Variants in CDH6 observed in about 807,000 individuals in gnomAD.
CDH6 encodes cadherin-6.
A neutral mutation model predicts 78.0 loss-of-function variants in CDH6; 31 were observed. The ratio of observed to expected loss-of-function variants is 0.40; its 90% CI spans 0.30 to 0.54. The LOEUF (loss-of-function observed/expected upper bound fraction) is 0.54, where lower values mean the gene tolerates loss of function less well. Ranked by LOEUF, CDH6 falls within the 20% of genes least tolerant of loss-of-function variation. The probability of loss-of-function intolerance (pLI) is 0.56; values close to 1 mark genes in which losing one functional copy is unlikely to be tolerated. For synonymous variants in CDH6, 376 were observed against 368.8 expected, an observed-to-expected ratio of 1.02 and a Z score of -0.23; for missense variants, 724 against 975.9, an observed-to-expected ratio of 0.74 and a Z score of 3.44.
In CDH6 at chr5:31,299,596, C is replaced by G; in HGVS notation, c.776C>G (p.Thr259Ser). The change falls in exon 5 of 12, where the codon ACT becomes AGT. Residue 259 changes from threonine (T) to serine (S), a missense_variant. Transcript: ENST00000265071. ...ACCACCACCGTGAACATCACACTGA[C>G]TGATGTCAACGACAACCCTCCCCGA... ...SGTTTVNITLTDVNDNPPRFP... is the reference protein window; with the variant it reads ...SGTTTVNITLSDVNDNPPRFP... 6.2e-7 allele frequency: 1 copy of G among 1,613,736 alleles called. No homozygotes were observed. Among genetic ancestry groups the G allele is most frequent in the Non-Finnish European group, 8.5e-7 (1 of 1,179,696 alleles).
intron 7 of CDH6, among the ~76,000 whole-genome samples, chr5:31,312,267 A>AGG (rs1240738411): frequency 1.8e-4 from 28 of 152,318 alleles, no homozygotes; most frequent in South Asian, 1.7e-3. Flanking sequence ...CATAGCAAAA[A>AGG]TGGAACTTAC....
At position 31,216,021 on chromosome 5, in the gene CDH6, A is replaced by G. The variant is rs79316447; in HGVS notation, c.-129+22135A>G. Among the ~76,000 whole-genome samples, 649 of 152,314 alleles carry G rather than the reference A, an allele frequency of 4.3e-3. 5 individuals are homozygous for G. The highest frequency in any genetic ancestry group is 0.015 in the African/African-American group (623 of 41,566). On this transcript the variant is annotated intron_variant, in intron 1 of 11. Transcript: ENST00000265071. ...TCAAAATCTATGCCCTCCTACAGCA[A>G]AAGTATAAAGGGGTCTTAAGGTGTT...
chr5:31,293,935 T>C (rs763607201), intron 2 of CDH6, 27 bp from the exon 3 acceptor site: 80 of 1,488,910 alleles, frequency 5.4e-5, no homozygotes, highest in Non-Finnish European at 7.0e-5. Flanking sequence ...GACTTTTACT[T>C]TCTTTAATTT....
At chr5:31,210,561 A>G (rs1740674493) in intron 1 of CDH6, among the ~76,000 whole-genome samples, 1 of 152,184 alleles carries the variant, frequency 6.6e-6, no homozygotes, top group Admixed American at 6.5e-5. Flanking sequence ...AAGTGAAAAT[A>G]TAAGTACAGT....
chr5:31,214,484 G>C (rs550315291), intron 1 of CDH6, among the ~76,000 whole-genome samples: 26 of 152,272 alleles, frequency 1.7e-4, no homozygotes, highest in African/African-American at 6.0e-4. Flanking sequence ...AAGGATGACT[G>C]CTCTCTGCAG....
In CDH6 at chr5:31,328,758, T is replaced by G. The variant is rs1251512705; in HGVS notation, c.*5450T>G. 1 of 217,072 alleles carries G rather than the reference T, an allele frequency of 4.6e-6. No individual in the cohort carries two copies. Among genetic ancestry groups the G allele is most frequent in the Non-Finnish European group, 9.3e-6 (1 of 107,886 alleles). 13.4% of individuals were successfully genotyped at this position (217,072 alleles called of 1,614,324 possible). On this transcript the variant is annotated 3_prime_UTR_variant, in exon 12 of 12. Transcript: ENST00000265071. ...AAGATTTACTGGCGGGAATGCTCAC[T>G]CTTGTCGTTTTCCTCAGTATCGTTC...
chr5:31,269,879 T>C (rs1415086427), intron 2 of CDH6, among the ~76,000 whole-genome samples: 1 of 152,180 alleles, frequency 6.6e-6, no homozygotes, highest in Admixed American at 6.5e-5. Context: ...CATGAGATAT[T>C]TGCTGGAAAA....
chr5:31,224,334 G>T (rs1741085613), intron 1 of CDH6, among the ~76,000 whole-genome samples: 1 of 152,078 alleles, frequency 6.6e-6, no homozygotes, highest in Admixed American at 6.6e-5. Context: ...CCTCCCACTG[G>T]GTCCTCCCCA....
At chr5:31,249,073 T>G (rs906827059) in intron 1 of CDH6, 1 of 152,352 alleles carries the variant, frequency 6.6e-6, no homozygotes, top group South Asian at 2.1e-4. Flanking sequence ...TAGCTAGATC[T>G]AATCATTCCA....
At chr5:31,265,627 A>G (rs530793828) in intron 1 of CDH6, among the ~76,000 whole-genome samples, 2 of 152,286 alleles carry the variant, frequency 1.3e-5, no homozygotes, top group African/African-American at 2.4e-5. Context: ...GATGTAGAGA[A>G]AAAAATACTA....
At chr5:31,231,087 A>C (rs1741299492) in intron 1 of CDH6, among the ~76,000 whole-genome samples, 1 of 152,196 alleles carries the variant, frequency 6.6e-6, no homozygotes, top group Non-Finnish European at 1.5e-5. Context: ...TTTCTTCTGG[A>C]TAACAGTCTT....
chr5:31,316,580 C>T (rs1190636465), intron 9 of CDH6, among the ~76,000 whole-genome samples: 4 of 152,142 alleles, frequency 2.6e-5, no homozygotes, highest in Non-Finnish European at 5.9e-5. Context: ...ATTAGTCTCA[C>T]CTTTATTGGA....
chr5:31,299,470 T>C lies in CDH6; in HGVS notation c.650T>C (p.Ile217Thr). Residue 217 changes from isoleucine to threonine, a missense_variant, in exon 5 of 12, where the codon ATC becomes ACC. Ile to Thr is a moderately conservative substitution (Grantham distance 89). Transcript: ENST00000265071. ...TTAAATTTCACATCCACAGGTATTA[T>C]CAAGACAGCTTTGCTCAACATGGAT... The part of the protein sequence containing the change: ...YFSVESETGI[I>T]KTALLNMDRE... The C allele has an allele frequency of 6.2e-7, 1 of 1,612,606 alleles. No homozygotes were observed. Among genetic ancestry groups the C allele is most frequent in the Non-Finnish European group, 8.5e-7 (1 of 1,178,796 alleles).
intron 1 of CDH6, among the ~76,000 whole-genome samples, chr5:31,198,906 T>C (rs777153715): frequency 6.6e-6 from 1 of 152,102 alleles, no homozygotes; most frequent in African/African-American, 2.4e-5. Flanking sequence ...GAGGTAACCC[T>C]GGGTGGATGG....
intron 1 of CDH6, among the ~76,000 whole-genome samples, chr5:31,236,870 C>T (rs191131405): frequency 9.6e-4 from 146 of 152,206 alleles, no homozygotes; most frequent in Non-Finnish European, 1.6e-3. Context: ...TCTTTCATCA[C>T]AATTACTGCC....
chr5:31,281,770 GA>G (rs1487419338), intron 2 of CDH6, among the ~76,000 whole-genome samples: 5 of 152,066 alleles, frequency 3.3e-5, no homozygotes, highest in Admixed American at 6.6e-5. Context: ...TAAATACAAC[GA>G]ATACAGAAAT....
chr5:31,319,623 T>C (rs1005578671), intron 11 of CDH6, among the ~76,000 whole-genome samples: 2 of 152,206 alleles, frequency 1.3e-5, no homozygotes, highest in African/African-American at 4.8e-5. Flanking sequence ...CTCTACTTTC[T>C]TTTCAAACTT....
chr5:31,311,586 A>G (rs1057325377), intron 7 of CDH6, among the ~76,000 whole-genome samples: 5 of 152,222 alleles, frequency 3.3e-5, no homozygotes, highest in African/African-American at 1.2e-4. Context: ...TCACACTGCT[A>G]TAAAGAACTA....
chr5:31,257,276 C>A (rs910194869), intron 1 of CDH6, among the ~76,000 whole-genome samples: 2 of 152,294 alleles, frequency 1.3e-5, no homozygotes, highest in Admixed American at 6.5e-5. Flanking sequence ...CATTCTCCTG[C>A]CTCAGCCTCC....
Sources: allele counts gnomAD v4.1 joint callset (sites outside exome capture counted in the v4.1 genomes callset), GRCh38; gene constraint gnomAD v4.1.1; transcripts MANE v1.5; gene names NCBI Gene and HGNC (gene_info 2026-07-23, HGNC 2026-07-21).